Variants in LDLRAD2 observed in about 807,000 individuals in gnomAD.
The protein encoded by LDLRAD2 is low density lipoprotein receptor class A domain containing 2.
In LDLRAD2, 25 loss-of-function variants were observed where a neutral mutation model predicts 24.9. The observed-to-expected ratio is 1.00, with a 90% CI of 0.73 to 1.40. The LOEUF (loss-of-function observed/expected upper bound fraction) is 1.40. Ranked by LOEUF, LDLRAD2 falls within the 40% of genes most tolerant of loss-of-function variation. LDLRAD2 has a pLI of 0.00. For missense variants in LDLRAD2, 391 were observed against 366.2 expected (o/e 1.07, Z -0.55); for synonymous variants, 182 against 166.7 (o/e 1.09, Z -0.71).
At chr1:21,815,853 C>T (rs1049295644) in intron 2 of LDLRAD2, 90 bp from the exon 3 acceptor site, 1 of 1,515,966 alleles carries the variant, frequency 6.6e-7, no homozygotes, top group African/African-American at 1.4e-5. Flanking sequence ...CCTGCCCACA[C>T]CCCCACACTG....
chr1:21,822,035 CTCTG>C (rs1324515706), intron 4 of LDLRAD2, 163 bp from the exon 5 acceptor site: 4 of 1,453,538 alleles, frequency 2.8e-6, no homozygotes, highest in Admixed American at 2.6e-5. Context: ...CCCCCTGGCT[CTCTG>C]TCTGATGTTG....
chr1:21,813,567 C>A (rs1473394518), intron 1 of LDLRAD2, among the ~76,000 whole-genome samples: 3 of 152,194 alleles, frequency 2.0e-5, no homozygotes, highest in African/African-American at 7.2e-5. Context: ...TGAGTACTTG[C>A]ACATCTTCTC....
intron 3 of LDLRAD2, among the ~76,000 whole-genome samples, chr1:21,816,845 T>C (rs2097944473): frequency 6.6e-6 from 1 of 152,190 alleles, no homozygotes; most frequent in African/African-American, 2.4e-5. Context: ...TATGTCCCCT[T>C]GTCCTCCATC....
Position 21,823,334 on chromosome 1 carries a change from T to C in LDLRAD2, c.*1119T>C. 1.3e-6 allele frequency: 2 copies of C among 1,539,792 alleles called. No individual in the cohort carries two copies. The highest frequency in any genetic ancestry group is 8.7e-7 in the Non-Finnish European group (1 of 1,145,566). The stretch of plus-strand genomic sequence containing the variant: ...CAGGTGCCTACGAGGGGCAGGGGCG[T>C]GTGTTGGCCCCGGCCTGGGCGCGGT... On this transcript the variant is annotated 3_prime_UTR_variant, in exon 5 of 5. Coordinates refer to ENST00000344642, the MANE Select transcript of LDLRAD2 (RefSeq NM_001013693.3).
At chr1:21,820,086 C>A (rs576469845) in intron 3 of LDLRAD2, among the ~76,000 whole-genome samples, 29 of 152,190 alleles carry the variant, frequency 1.9e-4, no homozygotes, top group Non-Finnish European at 3.7e-4. Context: ...TAATCACTTC[C>A]TACCAGGCCC....
chr1:21,815,671 A>C (rs1203108096), intron 2 of LDLRAD2, among the ~76,000 whole-genome samples: 1 of 152,188 alleles, frequency 6.6e-6, no homozygotes, highest in Non-Finnish European at 1.5e-5. Context: ...AATTAATAAC[A>C]GTACTTGCCC....
rs781145713 is a variant in LDLRAD2 at position 21,814,529 on chromosome 1, C to A, written c.217C>A (p.Pro73Thr). The A allele has an allele frequency of 3.1e-6, 5 of 1,612,416 alleles. No homozygotes were observed. Among genetic ancestry groups the A allele is most frequent in the Non-Finnish European group, 4.2e-6 (5 of 1,179,530 alleles). Residue 73 changes from proline (P) to threonine (T), a missense_variant, in exon 2 of 5, where the codon CCC becomes ACC. Physicochemically the swap from Pro to Thr is conservative, Grantham distance 38 (BLOSUM62 -1). Coordinates refer to ENST00000344642, the MANE Select transcript of LDLRAD2 (RefSeq NM_001013693.3). ...CGGGCTCTGGGTGCAGGCGGCAGCCCCCGGCGACCGGATCCGCTTCCAGTT... is the reference window on the plus strand; with the variant it reads ...CGGGCTCTGGGTGCAGGCGGCAGCCACCGGCGACCGGATCCGCTTCCAGTT... ...DCGLWVQAAA[P>T]GDRIRFQFRF... is the part of the protein sequence containing the mutation.
Position 21,823,435 on chromosome 1 carries a change from T to A in LDLRAD2, c.*1220T>A, listed in dbSNP as rs750870035. On this transcript the variant is annotated 3_prime_UTR_variant, in exon 5 of 5. Transcript: ENST00000344642. ...AGCACCAGGTTCTTGACACAGCCTGTGATGCCTGAGGAGAATCTGCCCCCG... is the reference window on the plus strand; with the variant it reads ...AGCACCAGGTTCTTGACACAGCCTGAGATGCCTGAGGAGAATCTGCCCCCG... 1.9e-6 allele frequency: 3 copies of A among 1,590,994 alleles called. No individual in the cohort carries two copies. Among genetic ancestry groups the A allele is most frequent in the Non-Finnish European group, 2.6e-6 (3 of 1,173,272 alleles).
Position 21,823,346 on chromosome 1 carries a change from G to C in LDLRAD2, c.*1131G>C. The C allele has an allele frequency of 1.9e-6, 3 of 1,543,444 alleles. No homozygotes were observed. Among genetic ancestry groups the C allele is most frequent in the Non-Finnish European group, 1.7e-6 (2 of 1,147,908 alleles). On this transcript the variant is annotated 3_prime_UTR_variant, in exon 5 of 5. Transcript: ENST00000344642. ...AGGGGCAGGGGCGTGTGTTGGCCCC[G>C]GCCTGGGCGCGGTGCTGCAGGTCCA... is the stretch of plus-strand genomic sequence containing the variant.
Position 21,824,887 on chromosome 1 carries a change from C to T in LDLRAD2, c.*2672C>T, listed in dbSNP as rs980597420. 4 of 1,045,240 alleles carry T rather than the reference C, an allele frequency of 3.8e-6. No homozygotes were observed. The African/African-American group carries it at 6.3e-5, about 17-fold the overall frequency. The allele number at this position is 1,045,240 out of a possible 1,614,324, so 64.7% of individuals were successfully genotyped here. A position where few individuals can be genotyped will look rare whatever the true frequency, so the allele number is the denominator to read the frequency against. ...CGCCAACATGCAGGACTAGGGGGCTCCGAGCCTGCAGTCCCTGGGGACCCA... is the reference window on the plus strand; with the variant it reads ...CGCCAACATGCAGGACTAGGGGGCTTCGAGCCTGCAGTCCCTGGGGACCCA... On this transcript the variant is annotated 3_prime_UTR_variant, in exon 5 of 5. Coordinates refer to ENST00000344642, the MANE Select transcript of LDLRAD2 (RefSeq NM_001013693.3). This position sits in a 1 kb window ranked among gnomAD's most constrained non-coding sequence, Gnocchi z 5.9.
In LDLRAD2 at chr1:21,822,584, C is replaced by T. The variant is rs1028089955; in HGVS notation, c.*369C>T. 11 of 315,320 alleles carry T rather than the reference C, an allele frequency of 3.5e-5. No homozygotes were observed. The highest frequency in any genetic ancestry group is 6.8e-5 in the Non-Finnish European group (11 of 161,772). The allele number at this position is 315,320 out of a possible 1,614,324, so 19.5% of individuals were successfully genotyped here. On this transcript the variant is annotated 3_prime_UTR_variant, in exon 5 of 5. Coordinates refer to ENST00000344642, the MANE Select transcript of LDLRAD2 (RefSeq NM_001013693.3). Reference sequence around the variant, plus strand: ...GGTGGGCGGGGCCCGGTGGGCGGGGCCCTATCAGTGCTGGGCTCTGCCTGT... The same window carrying T: ...GGTGGGCGGGGCCCGGTGGGCGGGGTCCTATCAGTGCTGGGCTCTGCCTGT...
At chr1:21,813,185 C>G (rs1014112723) in intron 1 of LDLRAD2, among the ~76,000 whole-genome samples, 21 of 152,284 alleles carry the variant, frequency 1.4e-4, no homozygotes, top group African/African-American at 4.6e-4. Context: ...ATCCCAGCTA[C>G]TTGGGAGGCT....
At chr1:21,821,835 C>G in intron 4 of LDLRAD2, 1 of 1,428,746 alleles carries the variant, frequency 7.0e-7, no homozygotes, top group Non-Finnish European at 9.1e-7. Flanking sequence ...GCCTGGCAAC[C>G]TGGTGCCCGT....
intron 3 of LDLRAD2, 66 bp from the exon 4 acceptor site, chr1:21,821,380 TTGAA>T: frequency 6.3e-7 from 1 of 1,588,090 alleles, no homozygotes; most frequent in African/African-American, 1.3e-5. Flanking sequence ...CTTGTGAGGA[TTGAA>T]TGAAACACAC....
intron 4 of LDLRAD2, chr1:21,821,835 C>A: frequency 7.0e-7 from 1 of 1,428,746 alleles, no homozygotes. Flanking sequence ...GCCTGGCAAC[C>A]TGGTGCCCGT....
Position 21,820,522 on chromosome 1 carries a change from C to CAAA in LDLRAD2, c.644-911_644-909dup, listed in dbSNP as rs11370390. Among the ~76,000 whole-genome samples the CAAA allele has an allele frequency of 9.1e-4, 64 of 70,130 alleles. 1 individual carries two copies. Among genetic ancestry groups the CAAA allele is most frequent in the Middle Eastern group, 8.1e-3 (1 of 124 alleles). 46.0% of individuals were successfully genotyped at this position (70,130 alleles called of 152,430 possible). On this transcript the variant is annotated intron_variant, in intron 3 of 4. Transcript: ENST00000344642. Reference sequence around the variant, plus strand: ...TGGGCGACAGAGCGAGACTCCGTCTCAAAAAAAAAAAAAAAAAAAGAAAAG... The same window carrying CAAA: ...TGGGCGACAGAGCGAGACTCCGTCTCAAAAAAAAAAAAAAAAAAAAAAGAAAAG...
At chr1:21,818,882 A>AC (rs2097947121) in intron 3 of LDLRAD2, among the ~76,000 whole-genome samples, 1 of 31,140 alleles carries the variant, frequency 3.2e-5, no homozygotes, top group Non-Finnish European at 6.7e-5. Flanking sequence ...CCCCCGCCCC[A>AC]CCCCTCCCTG....
chr1:21,820,109 T>G (rs1250310914), intron 3 of LDLRAD2, among the ~76,000 whole-genome samples: 3 of 152,190 alleles, frequency 2.0e-5, no homozygotes, highest in Admixed American at 6.5e-5. Context: ...CCTCCAACAC[T>G]GGGAATTACA....
chr1:21,814,866 C>T (rs2097942310), intron 2 of LDLRAD2, 43 bp downstream of exon 2: 3 of 1,428,340 alleles, frequency 2.1e-6, no homozygotes, highest in South Asian at 1.6e-5. Flanking sequence ...TCTGCAGAGG[C>T]CATGCGGGAC....
Sources: gnomAD v4.1 joint callset for allele counts (sites outside exome capture counted in the v4.1 genomes callset) on GRCh38, gnomAD v4.1.1 for gene constraint, Gnocchi (gnomAD v3.1) non-coding constraint, MANE v1.5 for transcripts, NCBI Gene and HGNC (gene_info 2026-07-23, HGNC 2026-07-21) for gene names.